ASIC2: variants seen among roughly 807,000 people sequenced by gnomAD.
ASIC2 encodes acid-sensing ion channel 2.
Under a neutral mutation model 57.3 loss-of-function variants are expected in ASIC2, and 25 were observed. The ratio of observed to expected loss-of-function variants is 0.44; its 90% confidence interval spans 0.32 to 0.61. The LOEUF is 0.61. ASIC2 is among the 20% of genes least tolerant of loss of function. The pLI, the probability that ASIC2 is intolerant of heterozygous loss-of-function variation, is 0.06. For missense variants in ASIC2, 641 were observed against 738.1 expected (o/e 0.87, Z 1.52); for synonymous variants, 319 against 307.5 (o/e 1.04, Z -0.39).
At chr17:33,216,832 G>A (rs1907507132) in intron 1 of ASIC2, among the ~76,000 whole-genome samples, 1 of 152,188 alleles carries the variant, frequency 6.6e-6, no homozygotes, top group African/African-American at 2.4e-5. Flanking sequence ...GAAGTGAGAC[G>A]GTGGGTGGTT....
At chr17:34,121,484 A>G (rs1193889554) in intron 1 of ASIC2, among the ~76,000 whole-genome samples, 1 of 152,016 alleles carries the variant, frequency 6.6e-6, no homozygotes, top group Non-Finnish European at 1.5e-5. Context: ...AGTCCATCCT[A>G]TCTTCTCACA....
At chr17:34,124,670 C>G (rs909051971) in intron 1 of ASIC2, among the ~76,000 whole-genome samples, 1 of 152,166 alleles carries the variant, frequency 6.6e-6, no homozygotes, top group Non-Finnish European at 1.5e-5. Flanking sequence ...AGTCCAAGAT[C>G]AGGATGCCAG....
At chr17:33,674,890 C>G (rs1190408002) in intron 1 of ASIC2, among the ~76,000 whole-genome samples, 1 of 152,148 alleles carries the variant, frequency 6.6e-6, no homozygotes, top group Non-Finnish European at 1.5e-5. Flanking sequence ...ATCACGTGAC[C>G]TTGGGTAACT....
intron 1 of ASIC2, among the ~76,000 whole-genome samples, chr17:33,761,915 C>T (rs747179492): frequency 1.3e-5 from 2 of 150,830 alleles, no homozygotes; most frequent in Non-Finnish European, 2.9e-5. Flanking sequence ...TCAACCACTA[C>T]TTGACCTTCC....
intron 1 of ASIC2, among the ~76,000 whole-genome samples, chr17:33,419,562 A>G (rs1910974759): frequency 6.6e-6 from 1 of 152,200 alleles, no homozygotes; most frequent in Non-Finnish European, 1.5e-5. Flanking sequence ...TCAGGTCTCT[A>G]TGTGTTTGGC....
intron 1 of ASIC2, among the ~76,000 whole-genome samples, chr17:33,352,564 C>A (rs1037420679): frequency 6.6e-6 from 1 of 152,116 alleles, no homozygotes; most frequent in Non-Finnish European, 1.5e-5. Context: ...AGTTATCATC[C>A]ATCGAACTCT....
intron 1 of ASIC2, among the ~76,000 whole-genome samples, chr17:34,095,295 T>G (rs1910477248): frequency 6.6e-6 from 1 of 152,166 alleles, no homozygotes; most frequent in Admixed American, 6.6e-5. Flanking sequence ...GCTCATGCTG[T>G]CAGTCTCTTC....
At chr17:33,101,320 G>A (rs2092211297) in intron 2 of ASIC2, among the ~76,000 whole-genome samples, 1 of 152,176 alleles carries the variant, frequency 6.6e-6, no homozygotes, top group Non-Finnish European at 1.5e-5. Flanking sequence ...AAAAATTTAT[G>A]ATGATTTTAA....
At position 33,666,553 on chromosome 17, in the gene ASIC2, T is replaced by A. The variant is rs1011900055; in HGVS notation, c.555+489425A>T. On this transcript the variant is annotated intron_variant, in intron 1 of 9. Transcript: ENST00000359872. ...CCAGGTCATCTTGATCATCCCATTA[T>A]CAGAACTGCTGGAGGAATCATCTGG... Among the ~76,000 whole-genome samples, 6 of 152,274 alleles carry A rather than the reference T, an allele frequency of 3.9e-5. 1 individual carries two copies. In the South Asian group the frequency reaches 1.2e-3, roughly 32 times the overall value.
Position 34,000,440 on chromosome 17 carries a change from A to T in ASIC2, c.555+155538T>A, listed in dbSNP as rs186886795. Reference sequence around the variant, plus strand: ...AGCTAATTTTGTATTTTTAGTAGAGATGGGGTTTCTCCATGTTGGTCAGGC... The same window carrying T: ...AGCTAATTTTGTATTTTTAGTAGAGTTGGGGTTTCTCCATGTTGGTCAGGC... On this transcript the variant is annotated intron_variant, in intron 1 of 9. Transcript: ENST00000359872. Among the ~76,000 whole-genome samples the T allele has an allele frequency of 1.4e-3, 219 of 152,106 alleles. 1 individual carries two copies. Among genetic ancestry groups the T allele is most frequent in the Admixed American group, 2.9e-3 (44 of 15,282 alleles).
intron 1 of ASIC2, among the ~76,000 whole-genome samples, chr17:33,552,888 T>C (rs1236562240): frequency 6.6e-6 from 1 of 152,208 alleles, no homozygotes; most frequent in African/African-American, 2.4e-5. Flanking sequence ...CCCAGGGAAG[T>C]GCTGCTGGGC....
At chr17:33,824,601 A>C (rs1597891277) in intron 1 of ASIC2, among the ~76,000 whole-genome samples, 1 of 152,270 alleles carries the variant, frequency 6.6e-6, no homozygotes, top group East Asian at 1.9e-4. Flanking sequence ...GTAGTTCCCC[A>C]TTGGTAGATG....
chr17:33,563,712 A>G (rs1916145655), intron 1 of ASIC2, among the ~76,000 whole-genome samples: 1 of 152,170 alleles, frequency 6.6e-6, no homozygotes, highest in African/African-American at 2.4e-5. Context: ...CAGACTGGAA[A>G]TGATCTCAGA....
chr17:33,876,286 T>C (rs1914544969), intron 1 of ASIC2, among the ~76,000 whole-genome samples: 1 of 152,200 alleles, frequency 6.6e-6, no homozygotes. Context: ...AGAGGAGTCT[T>C]AGTGTCACCC....
chr17:33,577,435 G>C (rs1014620591), intron 1 of ASIC2, among the ~76,000 whole-genome samples: 2 of 152,130 alleles, frequency 1.3e-5, no homozygotes, highest in African/African-American at 4.8e-5. Flanking sequence ...GCCTGACATG[G>C]GATTCAGGTG....
chr17:33,845,128 C>T (rs527403307), intron 1 of ASIC2, among the ~76,000 whole-genome samples: 5 of 152,292 alleles, frequency 3.3e-5, no homozygotes, highest in African/African-American at 1.2e-4. Context: ...AAAAAAATTC[C>T]GGAGTTACAG....
At chr17:33,288,753 CACACACAA>C (rs1905297429) in intron 1 of ASIC2, among the ~76,000 whole-genome samples, 1 of 137,338 alleles carries the variant, frequency 7.3e-6, no homozygotes, top group Non-Finnish European at 1.6e-5. Flanking sequence ...CACACACACA[CACACACAA>C]CTAATATGGT....
intron 1 of ASIC2, among the ~76,000 whole-genome samples, chr17:33,428,567 C>T (rs553232303): frequency 1.6e-4 from 25 of 152,224 alleles, no homozygotes; most frequent in Admixed American, 2.6e-4. Context: ...TTCTGTGGAT[C>T]CCTAAATTTC....
intron 1 of ASIC2, among the ~76,000 whole-genome samples, chr17:33,668,269 GTTCTTTT>G (rs1907540971): frequency 1.8e-5 from 1 of 56,014 alleles, no homozygotes; most frequent in African/African-American, 6.0e-5. Flanking sequence ...CCAATCAAAT[GTTCTTTT>G]TTTTTTTTTT....
Sources: gnomAD v4.1 joint callset for allele counts (sites outside exome capture counted in the v4.1 genomes callset) on GRCh38, gnomAD v4.1.1 for gene constraint, MANE v1.5 for transcripts, NCBI Gene and HGNC (gene_info 2026-07-23, HGNC 2026-07-21) for gene names.